Variants in AMD1 observed in about 807,000 individuals in gnomAD.
AMD1 encodes adenosylmethionine decarboxylase 1, also known as S-adenosylmethionine decarboxylase proenzyme.
Under a neutral mutation model 40.2 loss-of-function variants are expected in AMD1, and 11 were observed. The ratio of observed to expected loss-of-function variants is 0.27; its 90% CI spans 0.17 to 0.45. AMD1 has a LOEUF of 0.45. Among genes scored for constraint, AMD1 ranks in the 20% least tolerant of loss-of-function variants. The probability of loss-of-function intolerance (pLI) is 1.00; values close to 1 mark genes in which losing one functional copy is unlikely to be tolerated. For synonymous variants in AMD1, 121 were observed against 130.8 expected (o/e 0.93, Z 0.51); for missense variants, 257 against 410.2 (o/e 0.63, Z 3.23).
At chr6:110,880,499 T>A (rs559695775) in intron 1 of AMD1, among the ~76,000 whole-genome samples, 1 of 152,326 alleles carries the variant, frequency 6.6e-6, no homozygotes, top group South Asian at 2.1e-4. Context: ...GCTGTTAATG[T>A]TTAGGTTGTT....
At chr6:110,814,652 G>A in the AMD1 span, 1 of 496,508 alleles carries the variant, frequency 2.0e-6, no homozygotes, top group South Asian at 1.5e-5. Flanking sequence ...ACTCCGCAGC[G>A]GAGCTCTGCC....
At chr6:110,814,637 C>G in the AMD1 span, 1 of 483,058 alleles carries the variant, frequency 2.1e-6, no homozygotes, top group East Asian at 6.1e-5. Context: ...AGGGCCGGAG[C>G]GGCAACTCCG....
chr6:110,872,452 A>G (rs758560205), upstream of AMD1, among the ~76,000 whole-genome samples: 6 of 152,218 alleles, frequency 3.9e-5, no homozygotes, highest in Non-Finnish European at 7.4e-5. Flanking sequence ...GCTATAGCCA[A>G]TGAGGCATTT....
the AMD1 span, chr6:110,815,269 C>T: frequency 6.6e-6 from 7 of 1,055,532 alleles, no homozygotes; most frequent in African/African-American, 1.0e-4. Flanking sequence ...CGCCCGCCGC[C>T]CGCCGCTCCG....
the AMD1 span, among the ~76,000 whole-genome samples, chr6:110,853,567 A>G: frequency 6.6e-6 from 1 of 152,072 alleles, no homozygotes; most frequent in East Asian, 1.9e-4. Context: ...TCGGCCTCCC[A>G]AAGGGCTGGG....
At chr6:110,868,181 C>G in the AMD1 span, among the ~76,000 whole-genome samples, 1 of 151,414 alleles carries the variant, frequency 6.6e-6, no homozygotes, top group African/African-American at 2.4e-5. Flanking sequence ...AGAGTCTCAC[C>G]CTGTCACCCA....
At chr6:110,886,084 G>C (rs1228476580) in intron 1 of AMD1, among the ~76,000 whole-genome samples, 1 of 151,864 alleles carries the variant, frequency 6.6e-6, no homozygotes, top group Non-Finnish European at 1.5e-5. Context: ...GTGAAACCCT[G>C]TCGCCACTAA....
chr6:110,846,242 A>G, the AMD1 span, among the ~76,000 whole-genome samples: 1 of 152,174 alleles, frequency 6.6e-6, no homozygotes, highest in Admixed American at 6.5e-5. Flanking sequence ...CTCAAACAAC[A>G]ACAACAACAA....
At chr6:110,827,642 G>A in the AMD1 span, among the ~76,000 whole-genome samples, 2 of 151,948 alleles carry the variant, frequency 1.3e-5, no homozygotes, top group African/African-American at 4.8e-5. Flanking sequence ...GGGGGCACCT[G>A]TAGTCCCAGC....
the AMD1 span, among the ~76,000 whole-genome samples, chr6:110,851,420 A>T: frequency 9.2e-5 from 14 of 151,492 alleles, no homozygotes; most frequent in Non-Finnish European, 1.6e-4. Context: ...TTTTTTGAAA[A>T]GTTGTGGGGT....
chr6:110,846,375 T>C, the AMD1 span, among the ~76,000 whole-genome samples: 1 of 152,206 alleles, frequency 6.6e-6, no homozygotes, highest in Non-Finnish European at 1.5e-5. Flanking sequence ...TTTAATTGAA[T>C]ATACAGTAGA....
At chr6:110,836,263 T>C in the AMD1 span, among the ~76,000 whole-genome samples, 30 of 152,086 alleles carry the variant, frequency 2.0e-4, no homozygotes, top group Non-Finnish European at 4.3e-4. Context: ...TGCTCATCTT[T>C]GGAGGTGTTA....
chr6:110,851,777 A>G, the AMD1 span, among the ~76,000 whole-genome samples: 17 of 152,256 alleles, frequency 1.1e-4, no homozygotes, highest in South Asian at 3.5e-3. Flanking sequence ...AATTGGTTCT[A>G]ATCACATAGT....
chr6:110,830,832 C>G, the AMD1 span, among the ~76,000 whole-genome samples: 1 of 152,194 alleles, frequency 6.6e-6, no homozygotes, highest in South Asian at 2.1e-4. Context: ...TCATTGCAGC[C>G]TTGACCTCCT....
At chr6:110,889,621 A>G (rs1785897239) in intron 3 of AMD1, 1 of 151,976 alleles carries the variant, frequency 6.6e-6, no homozygotes, top group Non-Finnish European at 1.5e-5. Context: ...TTTTTTTTGT[A>G]TTTTTAGTAG....
the AMD1 span, among the ~76,000 whole-genome samples, chr6:110,854,488 G>A: frequency 2.7e-5 from 4 of 150,922 alleles, no homozygotes; most frequent in South Asian, 2.1e-4. Flanking sequence ...TCATTCTGTC[G>A]CCAAGGCTGG....
chr6:110,815,282 G>T, the AMD1 span: 1 of 942,992 alleles, frequency 1.1e-6, no homozygotes, highest in Non-Finnish European at 1.4e-6. Flanking sequence ...CCGCTCCGCG[G>T]TCCGCCTTCA....
the AMD1 span, among the ~76,000 whole-genome samples, chr6:110,847,520 G>A: frequency 8.7e-5 from 13 of 148,772 alleles, no homozygotes; most frequent in African/African-American, 3.2e-4. Flanking sequence ...GCGAGACTCC[G>A]TCTCAAAAAA....
At chr6:110,834,440 C>T in the AMD1 span, among the ~76,000 whole-genome samples, 2 of 152,188 alleles carry the variant, frequency 1.3e-5, no homozygotes, top group Non-Finnish European at 2.9e-5. Flanking sequence ...TTTTACATCT[C>T]TATATCAAAT....
Sources: gnomAD v4.1 joint callset for allele counts (sites outside exome capture counted in the v4.1 genomes callset) on GRCh38, gnomAD v4.1.1 for gene constraint, MANE v1.5 for transcripts, NCBI Gene and HGNC (gene_info 2026-07-23, HGNC 2026-07-21) for gene names.